The following FUT8 variants were observed in gnomAD, a reference collection of about 807,000 sequenced individuals.
FUT8 encodes the protein alpha-(1,6)-fucosyltransferase.
In FUT8, 29 loss-of-function variants were observed where a neutral mutation model predicts 71.3. The ratio of observed to expected loss-of-function variants is 0.41; its 90% confidence interval spans 0.30 to 0.55. The LOEUF is 0.55. Among genes scored for constraint, FUT8 ranks in the 20% least tolerant of loss-of-function variants. The pLI is 0.34. For synonymous variants in FUT8, 254 were observed against 239.3 expected (o/e 1.06, Z -0.57); for missense variants, 544 against 702.1 (o/e 0.77, Z 2.55).
chr14:65,587,846 A>T (rs1887477061), intron 3 of FUT8, among the ~76,000 whole-genome samples: 1 of 152,206 alleles, frequency 6.6e-6, no homozygotes, highest in African/African-American at 2.4e-5. Flanking sequence ...GTAACATTTG[A>T]TGATAAATAC....
In FUT8 at chr14:65,493,746, A is replaced by G. The variant is rs761298146; in HGVS notation, c.-228+38028A>G. Among the ~76,000 whole-genome samples, 64 of 152,130 alleles carry G rather than the reference A, an allele frequency of 4.2e-4. 1 individual carries two copies. Among genetic ancestry groups the G allele is most frequent in the Middle Eastern group, 3.4e-3 (1 of 294 alleles). On this transcript the variant is annotated intron_variant, in intron 2 of 10. Transcript: ENST00000673929. ...TAGAGACCAAACCTTTAACATTGCC[A>G]TGTATTGTCTCTTAGGGATAACCTT...
intron 3 of FUT8, among the ~76,000 whole-genome samples, chr14:65,592,217 T>C (rs1362159175): frequency 6.6e-6 from 1 of 152,158 alleles, no homozygotes; most frequent in Non-Finnish European, 1.5e-5. Flanking sequence ...ATTGTTCCTC[T>C]GGTGTAAAGT....
chr14:65,672,953 A>C (rs1892539719), intron 7 of FUT8, among the ~76,000 whole-genome samples: 1 of 152,158 alleles, frequency 6.6e-6, no homozygotes, highest in African/African-American at 2.4e-5. Context: ...ATTCACCTTA[A>C]CAGTTAAACT....
chr14:65,643,665 T>TACACACACACACACACAC lies in FUT8; in HGVS notation c.597+14092_597+14109dup, dbSNP rs60967671. Among the ~76,000 whole-genome samples, 302 of 124,726 alleles carry TACACACACACACACACAC rather than the reference T, an allele frequency of 2.4e-3. 5 individuals are homozygous for TACACACACACACACACAC. The highest frequency in any genetic ancestry group is 4.7e-3 in the East Asian group (18 of 3,828). 81.8% of individuals were successfully genotyped at this position (124,726 alleles called of 152,430 possible). A position where few individuals can be genotyped will look rare whatever the true frequency, so the allele number is the denominator to read the frequency against. On this transcript the variant is annotated intron_variant, in intron 6 of 10. Coordinates refer to ENST00000673929, the MANE Select transcript of FUT8 (RefSeq NM_001371533.1). This position sits in a 1 kb window ranked among gnomAD's most constrained non-coding sequence, Gnocchi z 4.5. Reference sequence around the variant, plus strand: ...CGAGACTCCGTCTTTAAAAAAAAAATACACACACACACACACACACACACA... The same window carrying TACACACACACACACACAC: ...CGAGACTCCGTCTTTAAAAAAAAAATACACACACACACACACACACACACACACACACACACACACACA...
upstream of FUT8, among the ~76,000 whole-genome samples, chr14:65,407,320 T>C (rs186426932): frequency 1.2e-3 from 176 of 152,340 alleles, 2 homozygotes; most frequent in Non-Finnish European, 4.4e-4. Context: ...TGATAAACCT[T>C]GTAATGTCTT....
chr14:65,375,130 C>G, the FUT8 span, among the ~76,000 whole-genome samples: 3 of 152,070 alleles, frequency 2.0e-5, no homozygotes, highest in South Asian at 2.1e-4. Context: ...GTCTGAGAAC[C>G]CTTGTCTTTG....
intron 9 of FUT8, among the ~76,000 whole-genome samples, chr14:65,729,861 A>G (rs565908292): frequency 6.6e-6 from 1 of 151,964 alleles, no homozygotes; most frequent in Admixed American, 6.6e-5. Flanking sequence ...AATTTTCTCC[A>G]TATTCTGTTA....
intron 2 of FUT8, among the ~76,000 whole-genome samples, chr14:65,538,912 C>T (rs970455430): frequency 2.6e-5 from 4 of 151,984 alleles, no homozygotes; most frequent in Non-Finnish European, 5.9e-5. Context: ...CAGAGCAAGA[C>T]TCTGTCTCAA....
chr14:65,425,427 C>CA (rs1221943941), intron 1 of FUT8, among the ~76,000 whole-genome samples: 1 of 149,454 alleles, frequency 6.7e-6, no homozygotes, highest in African/African-American at 2.5e-5. Context: ...CTCGCCCTCC[C>CA]AAAGTGCTGG....
At chr14:65,575,395 A>G (rs2140093423) in intron 3 of FUT8, among the ~76,000 whole-genome samples, 2 of 152,148 alleles carry the variant, frequency 1.3e-5, no homozygotes, top group East Asian at 3.9e-4. Flanking sequence ...TATACAGTAC[A>G]TATGTAATCT....
chr14:65,525,310 G>A (rs1267742513), intron 2 of FUT8, among the ~76,000 whole-genome samples: 1 of 152,132 alleles, frequency 6.6e-6, no homozygotes, highest in Non-Finnish European at 1.5e-5. Context: ...ATGTGTCTAG[G>A]AATTTATCCA....
intron 3 of FUT8, among the ~76,000 whole-genome samples, chr14:65,570,512 C>T (rs922475252): frequency 6.6e-6 from 1 of 151,846 alleles, no homozygotes; most frequent in East Asian, 1.9e-4. Flanking sequence ...ACTACATATA[C>T]TCCTACATAT....
rs190994502 is a variant in FUT8 at position 65,667,814 on chromosome 14, C to A, written c.598-1429C>A. Among the ~76,000 whole-genome samples the A allele has an allele frequency of 5.9e-5, 9 of 152,080 alleles. No homozygotes were observed. The South Asian group carries it at 1.9e-3, about 32-fold the overall frequency. On this transcript the variant is annotated intron_variant, in intron 6 of 10. Coordinates refer to ENST00000673929, the MANE Select transcript of FUT8 (RefSeq NM_001371533.1). ...GTAACCATGGTATGGGTACCAAACA[C>A]CATGGTACCCATACCATGTATCACC...
At chr14:65,464,984 T>G (rs1411322086) in intron 2 of FUT8, among the ~76,000 whole-genome samples, 7 of 152,176 alleles carry the variant, frequency 4.6e-5, no homozygotes, top group Non-Finnish European at 1.5e-5. Context: ...TATTAATTAT[T>G]TATTCAGGTT....
intron 1 of FUT8, among the ~76,000 whole-genome samples, chr14:65,417,881 T>C (rs564301054): frequency 6.6e-6 from 1 of 152,326 alleles, no homozygotes; most frequent in Admixed American, 6.5e-5. Context: ...ACTGTATTTG[T>C]TGTATTTTAT....
chr14:65,384,779 C>A, the FUT8 span, among the ~76,000 whole-genome samples: 1 of 152,138 alleles, frequency 6.6e-6, no homozygotes, highest in Non-Finnish European at 1.5e-5. This position sits in a 1 kb window ranked among gnomAD's most constrained non-coding sequence, Gnocchi z 4.2. Context: ...ACTTGTAAAC[C>A]ATTGTCCTCA....
intron 7 of FUT8, among the ~76,000 whole-genome samples, chr14:65,687,236 A>G (rs1056256662): frequency 2.0e-5 from 3 of 152,206 alleles, no homozygotes; most frequent in Admixed American, 6.5e-5. Flanking sequence ...TTACTAGGAT[A>G]TCATCCTTTT....
chr14:65,617,106 A>C, intron 5 of FUT8: 1 of 1,596,268 alleles, frequency 6.3e-7, no homozygotes, highest in Non-Finnish European at 8.5e-7. Context: ...GATGGCAATT[A>C]CTGTCTCATT....
chr14:65,445,887 CAAAG>C (rs1327749705), intron 1 of FUT8, among the ~76,000 whole-genome samples: 1 of 152,214 alleles, frequency 6.6e-6, no homozygotes, highest in Non-Finnish European at 1.5e-5. Flanking sequence ...CTTGGCCTCC[CAAAG>C]TGTTGGGATT....
Sources: allele counts gnomAD v4.1 joint callset (sites outside exome capture counted in the v4.1 genomes callset), GRCh38; gene constraint gnomAD v4.1.1; non-coding constraint Gnocchi (gnomAD v3.1); transcripts MANE v1.5; gene names NCBI Gene and HGNC (gene_info 2026-07-23, HGNC 2026-07-21).